The following SNX29 variants were observed in gnomAD, a reference collection of about 807,000 sequenced individuals.
The protein encoded by SNX29 is sorting nexin 29.
Under a neutral mutation model 102.1 loss-of-function variants are expected in SNX29, and 78 were observed. That is an observed-to-expected ratio of 0.76 (90% CI 0.64 to 0.92). The LOEUF is 0.92. Among genes scored for constraint, SNX29 ranks in the 40% least tolerant of loss-of-function variants. The pLI, the probability that SNX29 is intolerant of heterozygous loss-of-function variation, is 0.00. For synonymous variants in SNX29, 580 were observed against 414.5 expected, an observed-to-expected ratio of 1.40 and a Z score of -4.85; for missense variants, 1,280 against 1,061.7, an observed-to-expected ratio of 1.21 and a Z score of -2.86.
intron 19 of SNX29, among the ~76,000 whole-genome samples, chr16:12,504,875 A>G (rs1211504399): frequency 6.6e-6 from 1 of 152,194 alleles, no homozygotes; most frequent in African/African-American, 2.4e-5. Flanking sequence ...ACTGTACTTC[A>G]TTCCTTTTTA....
Position 12,186,957 on chromosome 16 carries a change from C to T in SNX29, c.1596-12644C>T, listed in dbSNP as rs559057200. ...CAAGAGAGATGTAGCACTCAGTGGC[C>T]GGGGCTGACTGTGGCTCACAGCTGT... On this transcript the variant is annotated intron_variant, in intron 13 of 20. Coordinates refer to ENST00000566228, the MANE Select transcript of SNX29 (RefSeq NM_032167.5). 3.9e-4 allele frequency among the ~76,000 whole-genome samples: 60 copies of T among 152,274 alleles called. 1 individual carries two copies. Among genetic ancestry groups the T allele is most frequent in the South Asian group, 2.7e-3 (13 of 4,816 alleles).
At chr16:12,302,558 A>AC (rs56754396) in intron 15 of SNX29, among the ~76,000 whole-genome samples, 4,467 of 152,312 alleles carry the variant, frequency 0.029, 211 homozygotes, top group African/African-American at 0.1. Flanking sequence ...TCGTGGAAGG[A>AC]CAGGGGGTCT....
intron 16 of SNX29, among the ~76,000 whole-genome samples, chr16:12,360,013 G>A (rs972493555): frequency 6.6e-6 from 1 of 152,094 alleles, no homozygotes; most frequent in Non-Finnish European, 1.5e-5. Context: ...TAGTAGAGAC[G>A]GGGTTTCTCC....
chr16:12,345,693 C>T (rs1318970521), intron 15 of SNX29, among the ~76,000 whole-genome samples: 7 of 152,054 alleles, frequency 4.6e-5, no homozygotes, highest in Non-Finnish European at 1.5e-5. Flanking sequence ...ATTTGAGTGA[C>T]GTTGTGAAGG....
chr16:12,398,649 G>A (rs1377196146), intron 17 of SNX29, 148 bp downstream of exon 17: 9 of 834,874 alleles, frequency 1.1e-5, no homozygotes, highest in African/African-American at 3.4e-5. Flanking sequence ...GGTAGGAGTC[G>A]CTCTCCTACA....
chr16:12,366,550 G>A (rs1322144862), intron 16 of SNX29, among the ~76,000 whole-genome samples: 1 of 152,174 alleles, frequency 6.6e-6, no homozygotes, highest in East Asian at 1.9e-4. Context: ...GGTGCAGTGG[G>A]CCTGCCTGTG....
intron 14 of SNX29, among the ~76,000 whole-genome samples, chr16:12,229,423 G>A (rs1241712129): frequency 1.3e-5 from 2 of 152,138 alleles, no homozygotes; most frequent in African/African-American, 4.8e-5. Context: ...GCTAAGCGAA[G>A]AAAAAGAGTG....
chr16:12,481,088 C>A (rs377142511), intron 19 of SNX29, among the ~76,000 whole-genome samples: 1 of 152,148 alleles, frequency 6.6e-6, no homozygotes, highest in East Asian at 1.9e-4. Flanking sequence ...CCTATGAAGC[C>A]TGTGTCAGCC....
intron 15 of SNX29, among the ~76,000 whole-genome samples, chr16:12,322,236 T>A (rs1361632672): frequency 6.6e-6 from 1 of 152,026 alleles, no homozygotes; most frequent in East Asian, 1.9e-4. Flanking sequence ...ACTCCCTGAG[T>A]GGCCTAACCT....
rs1168908323 is a variant in SNX29, at chr16:12,547,616, C to T, written c.2319-20890C>T. Among the ~76,000 whole-genome samples the T allele has an allele frequency of 3.3e-5, 5 of 152,148 alleles. No individual in the cohort carries two copies. In the East Asian group the frequency reaches 9.6e-4, roughly 29 times the overall value. On this transcript the variant is annotated intron_variant, in intron 20 of 20. Transcript: ENST00000566228. The stretch of plus-strand genomic sequence containing the variant: ...ACCCCCACGAAGTCAGCCTCAGCAC[C>T]ACTAAGCTGTCCCATGGGATGGAGA...
chr16:12,558,029 T>G (rs1388878960), intron 20 of SNX29, among the ~76,000 whole-genome samples: 1 of 152,114 alleles, frequency 6.6e-6, no homozygotes, highest in African/African-American at 2.4e-5. Flanking sequence ...GAGAGCACTG[T>G]GAGGTAATTG....
At chr16:12,222,140 A>G (rs914511421) in intron 14 of SNX29, among the ~76,000 whole-genome samples, 1 of 152,250 alleles carries the variant, frequency 6.6e-6, no homozygotes, top group Non-Finnish European at 1.5e-5. Context: ...TACGATCTTC[A>G]TTCTGCAGAT....
intron 20 of SNX29, among the ~76,000 whole-genome samples, chr16:12,566,631 C>T (rs1308702445): frequency 1.3e-5 from 2 of 152,208 alleles, no homozygotes; most frequent in Admixed American, 1.3e-4. Flanking sequence ...CAAGCAAAGA[C>T]CTCCTTCCAG....
intron 14 of SNX29, among the ~76,000 whole-genome samples, chr16:12,259,702 A>C (rs777749984): frequency 6.6e-6 from 1 of 152,212 alleles, no homozygotes; most frequent in Non-Finnish European, 1.5e-5. Flanking sequence ...CACCCTGGAT[A>C]GTTATTAAAA....
At chr16:12,041,986 A>G (rs1289858857) in intron 4 of SNX29, among the ~76,000 whole-genome samples, 1 of 152,146 alleles carries the variant, frequency 6.6e-6, no homozygotes, top group Non-Finnish European at 1.5e-5. Flanking sequence ...TTTTAGAGTC[A>G]TTTTTATTTT....
intron 10 of SNX29, among the ~76,000 whole-genome samples, chr16:12,076,303 C>CT (rs541884560): frequency 0.028 from 3,955 of 139,808 alleles, 116 homozygotes; most frequent in African/African-American, 0.069. Flanking sequence ...TGGCTCCTCC[C>CT]TTTTTTTTTT....
At chr16:12,346,039 A>T (rs1284656115) in intron 15 of SNX29, among the ~76,000 whole-genome samples, 1 of 152,178 alleles carries the variant, frequency 6.6e-6, no homozygotes, top group East Asian at 1.9e-4. Context: ...TTTTGAAGCA[A>T]ATTGCAGACA....
intron 20 of SNX29, among the ~76,000 whole-genome samples, chr16:12,552,060 C>A (rs1024973266): frequency 2.0e-5 from 3 of 150,672 alleles, no homozygotes; most frequent in Admixed American, 2.0e-4. Context: ...TTTTGGGGCA[C>A]TGAATCTCTG....
chr16:12,550,433 G>C (rs745527508), intron 20 of SNX29, among the ~76,000 whole-genome samples: 5 of 151,784 alleles, frequency 3.3e-5, no homozygotes, highest in Non-Finnish European at 7.4e-5. Context: ...TACTTGGGAG[G>C]CTGAGGCAGG....
Sources: allele counts gnomAD v4.1 joint callset (sites outside exome capture counted in the v4.1 genomes callset), GRCh38; gene constraint gnomAD v4.1.1; transcripts MANE v1.5; gene names NCBI Gene and HGNC (gene_info 2026-07-23, HGNC 2026-07-21).